LGR6: variants seen among roughly 807,000 people sequenced by gnomAD.
LGR6 encodes the protein leucine-rich repeat-containing G protein-coupled receptor 6.
In LGR6, 45 loss-of-function variants were observed where a neutral mutation model predicts 69.4. The observed-to-expected ratio is 0.65, with a 90% CI of 0.51 to 0.83. The LOEUF (loss-of-function observed/expected upper bound fraction) is 0.83, where lower values mean the gene tolerates loss of function less well. LGR6 is among the 40% of genes least tolerant of loss of function. The pLI is 0.00. For synonymous variants in LGR6, 538 were observed against 555.0 expected (o/e 0.97, Z 0.43); for missense variants, 1,108 against 1,246.7 (o/e 0.89, Z 1.68).
chr1:202,310,471 TAC>T (rs770618896), intron 16 of LGR6, 114 bp downstream of exon 16: 24 of 1,048,688 alleles, frequency 2.3e-5, no homozygotes, highest in Non-Finnish European at 3.1e-5. Context: ...AGGGAAGCCC[TAC>T]AGAGGTGGGA....
intron 1 of LGR6, chr1:202,197,120 C>A (rs528623383): frequency 1.9e-6 from 1 of 531,384 alleles, no homozygotes; most frequent in Non-Finnish European, 3.9e-6. Flanking sequence ...AAGGTACCCG[C>A]AAGTCCTCTT....
rs116466788 is a variant in LGR6 at position 202,222,527 on chromosome 1, G to C, written c.213-2896G>C. On this transcript the variant is annotated intron_variant, in intron 1 of 17. Coordinates refer to ENST00000367278, the MANE Select transcript of LGR6 (RefSeq NM_001017403.2). ...CGCCCTGAGTGCTCCTTGAACTCCC[G>C]CTGCGTTCCTGTCGAGACACATCCA... is the stretch of plus-strand genomic sequence containing the variant. Among the ~76,000 whole-genome samples the C allele has an allele frequency of 7.9e-3, 1,198 of 152,260 alleles. 15 individuals are homozygous for C. The highest frequency in any genetic ancestry group is 0.028 in the African/African-American group (1,149 of 41,552).
intron 10 of LGR6, 47 bp from the exon 11 acceptor site, chr1:202,304,512 G>T (rs750654772): frequency 2.1e-6 from 3 of 1,436,314 alleles, no homozygotes; most frequent in African/African-American, 1.4e-5. Flanking sequence ...GCTGGGAATG[G>T]CAGGGCCCTG....
chr1:202,226,305 C>G (rs1660546157), intron 2 of LGR6, among the ~76,000 whole-genome samples: 1 of 152,188 alleles, frequency 6.6e-6, no homozygotes, highest in African/African-American at 2.4e-5. Context: ...CCACATAGAT[C>G]CTTGCGGCTC....
rs185306600 is a variant in LGR6 at position 202,282,967 on chromosome 1, C to A, written c.716+2115C>A. On this transcript the variant is annotated intron_variant, in intron 6 of 17. Transcript: ENST00000367278. ...TGGCAAAGCCCTTGGCATCAGACAGCCTGGGGTACAGTGCCACTTCTACCA... is the reference window on the plus strand; with the variant it reads ...TGGCAAAGCCCTTGGCATCAGACAGACTGGGGTACAGTGCCACTTCTACCA... Among the ~76,000 whole-genome samples the A allele has an allele frequency of 8.3e-4, 126 of 152,352 alleles. 1 individual carries two copies. Among genetic ancestry groups the A allele is most frequent in the African/African-American group, 2.9e-3 (121 of 41,584 alleles).
Position 202,300,791 on chromosome 1 carries a change from C to T in LGR6, c.786-58C>T, listed in dbSNP as rs939017480. 6.3e-6 allele frequency: 8 copies of T among 1,265,376 alleles called. No individual in the cohort carries two copies. The African/African-American group carries it at 1.0e-4, about 16-fold the overall frequency. The allele number at this position is 1,265,376 out of a possible 1,614,324, so 78.4% of individuals were successfully genotyped here. On this transcript the variant is annotated intron_variant, in intron 7 of 17. Coordinates refer to ENST00000367278, the MANE Select transcript of LGR6 (RefSeq NM_001017403.2). ...TCCAAAAGCCCTGTGGAATTCCATG[C>T]CTCTCCCTCTCTATACCTTTCTCCA...
chr1:202,312,389 G>C (rs1653812801), intron 16 of LGR6, among the ~76,000 whole-genome samples: 1 of 152,244 alleles, frequency 6.6e-6, no homozygotes, highest in South Asian at 2.1e-4. Context: ...GGGAGTGAAA[G>C]GTAGAGAGGA....
intron 4 of LGR6, among the ~76,000 whole-genome samples, chr1:202,250,554 C>T (rs977044585): frequency 1.4e-4 from 22 of 151,858 alleles, no homozygotes; most frequent in African/African-American, 5.3e-4. Flanking sequence ...TACAGGGGCC[C>T]ACCACCACAC....
chr1:202,304,949 C>G (rs759582030), intron 11 of LGR6, among the ~76,000 whole-genome samples: 5 of 152,200 alleles, frequency 3.3e-5, no homozygotes, highest in Non-Finnish European at 7.3e-5. Flanking sequence ...GACATAATTA[C>G]TGTAATTTTA....
At chr1:202,293,224 C>T (rs1666918138) in intron 6 of LGR6, among the ~76,000 whole-genome samples, 1 of 152,176 alleles carries the variant, frequency 6.6e-6, no homozygotes, top group Non-Finnish European at 1.5e-5. Flanking sequence ...CAAGTATTGC[C>T]CTTTGCTCCA....
intron 1 of LGR6, chr1:202,197,040 A>C: frequency 1.9e-6 from 1 of 533,340 alleles, no homozygotes; most frequent in South Asian, 1.4e-5. Flanking sequence ...CAGGCCAGAG[A>C]AGACTCGAAG....
At chr1:202,297,622 G>T in intron 7 of LGR6, 46 bp downstream of exon 7, 2 of 1,538,678 alleles carry the variant, frequency 1.3e-6, no homozygotes, top group Non-Finnish European at 1.8e-6. Context: ...TGTCCCAAGG[G>T]CAGGGGCTGA....
chr1:202,214,764 G>A (rs1462833599), intron 1 of LGR6, among the ~76,000 whole-genome samples: 1 of 152,204 alleles, frequency 6.6e-6, no homozygotes, highest in Non-Finnish European at 1.5e-5. Flanking sequence ...GGTCTGGAGA[G>A]GCGGAAAGGT....
chr1:202,204,720 ACCT>A (rs1659032707), intron 1 of LGR6, among the ~76,000 whole-genome samples: 2 of 105,932 alleles, frequency 1.9e-5, no homozygotes, highest in Admixed American at 1.0e-4. Context: ...CCTAACACAC[ACCT>A]CCTTCAAACA....
chr1:202,244,430 C>T (rs1312990411), intron 4 of LGR6, among the ~76,000 whole-genome samples: 1 of 152,184 alleles, frequency 6.6e-6, no homozygotes, highest in East Asian at 1.9e-4. Context: ...AGTTCTGAGG[C>T]CAGAAGTTCT....
At chr1:202,267,939 G>C (rs1664797458) in intron 4 of LGR6, among the ~76,000 whole-genome samples, 1 of 152,218 alleles carries the variant, frequency 6.6e-6, no homozygotes, top group Non-Finnish European at 1.5e-5. Flanking sequence ...CAGTCTGATA[G>C]GTAGTGAGGG....
intron 4 of LGR6, among the ~76,000 whole-genome samples, chr1:202,272,999 T>G (rs369320922): frequency 1.3e-5 from 2 of 152,348 alleles, no homozygotes; most frequent in South Asian, 4.1e-4. Context: ...CCTCCCATCA[T>G]GCACCTCAGT....
rs760151360 is a variant in LGR6, at chr1:202,227,934, A to G, written c.285-2A>G. The stretch of plus-strand genomic sequence containing the variant: ...TCGCTGACCCTTGTCTCTGATTTCC[A>G]GGCGTCTCTCTGGGAACCATCTCTC... On this transcript the variant is annotated splice_acceptor_variant, in intron 2 of 17. Transcript: ENST00000367278. LOFTEE classifies it high-confidence loss of function. The G allele has an allele frequency of 5.0e-6, 8 of 1,612,652 alleles. No homozygotes were observed. The South Asian group carries it at 8.8e-5, about 18-fold the overall frequency.
Position 202,214,325 on chromosome 1 carries a change from G to C in LGR6, c.213-11098G>C, listed in dbSNP as rs1037611774. On this transcript the variant is annotated intron_variant, in intron 1 of 17. Coordinates refer to ENST00000367278, the MANE Select transcript of LGR6 (RefSeq NM_001017403.2). Reference sequence around the variant, plus strand: ...AGCAGGACCCAGAAACCGACGCGACGGGTGGGGCGCTACCCGGGCCGGCCC... The same window carrying C: ...AGCAGGACCCAGAAACCGACGCGACCGGTGGGGCGCTACCCGGGCCGGCCC... 333 of 1,321,288 alleles carry C rather than the reference G, an allele frequency of 2.5e-4. 1 individual carries two copies. The highest frequency in any genetic ancestry group is 3.3e-4 in the Non-Finnish European group (325 of 989,976). 81.8% of individuals were successfully genotyped at this position (1,321,288 alleles called of 1,614,324 possible). A position where few individuals can be genotyped will look rare whatever the true frequency, so the allele number is the denominator to read the frequency against.
Sources: gnomAD v4.1 joint callset for allele counts (sites outside exome capture counted in the v4.1 genomes callset) on GRCh38, gnomAD v4.1.1 for gene constraint, MANE v1.5 for transcripts, NCBI Gene and HGNC (gene_info 2026-07-23, HGNC 2026-07-21) for gene names.